LARP1: variants seen among roughly 807,000 people sequenced by gnomAD.
LARP1 encodes the protein La ribonucleoprotein 1, translational regulator.
LARP1 carries 36 observed loss-of-function variants against 122.7 expected under a neutral mutation model. That is an observed-to-expected ratio of 0.29 (90% CI 0.22 to 0.39). LARP1 has a LOEUF of 0.39. LARP1 is among the 10% of genes least tolerant of loss of function. The pLI is 1.00. For synonymous variants in LARP1, 539 were observed against 528.7 expected (o/e 1.02, Z -0.27); for missense variants, 1,040 against 1,403.6 (o/e 0.74, Z 4.14).
chr5:154,772,024 T>C (rs1413991659), intron 1 of LARP1, among the ~76,000 whole-genome samples: 1 of 152,198 alleles, frequency 6.6e-6, no homozygotes, highest in Non-Finnish European at 1.5e-5. Flanking sequence ...AAATATATTT[T>C]AGCAAAAAGA....
intron 1 of LARP1, among the ~76,000 whole-genome samples, chr5:154,780,223 G>GGGCC (rs1242165163): frequency 2.0e-5 from 3 of 152,194 alleles, no homozygotes; most frequent in African/African-American, 7.2e-5. Context: ...AAGATCTCCA[G>GGGCC]GGCCCACTAA....
chr5:154,761,648 G>T (rs955612220), intron 1 of LARP1, among the ~76,000 whole-genome samples: 30 of 152,188 alleles, frequency 2.0e-4, no homozygotes, highest in Admixed American at 8.5e-4. Context: ...GGCTGGTCCA[G>T]AGTGATCTAA....
intron 1 of LARP1, among the ~76,000 whole-genome samples, chr5:154,689,130 C>T (rs563480345): frequency 6.6e-6 from 1 of 152,008 alleles, no homozygotes; most frequent in African/African-American, 2.4e-5. Context: ...ACCAGCCTCG[C>T]CAACATGGCA....
At chr5:154,713,490 A>G (rs892073479) in intron 1 of LARP1, among the ~76,000 whole-genome samples, 1 of 152,222 alleles carries the variant, frequency 6.6e-6, no homozygotes, top group Non-Finnish European at 1.5e-5. Flanking sequence ...AAACCACTAA[A>G]TTGATGCAGG....
rs757699811 is a variant in LARP1, at chr5:154,803,447, T to A, written c.2233+34T>A. 6.2e-7 allele frequency: 1 copy of A among 1,614,064 alleles called. No individual in the cohort carries two copies. The highest frequency in any genetic ancestry group is 8.5e-7 in the Non-Finnish European group (1 of 1,180,002). On this transcript the variant is annotated intron_variant, in intron 12 of 18. Coordinates refer to ENST00000518297, the MANE Select transcript of LARP1 (RefSeq NM_033551.3). This position sits in a 1 kb window ranked among gnomAD's most constrained non-coding sequence, Gnocchi z 4.4. ...CAGACACCTGAGATCCTGACATGGG[T>A]GAGAGGATCTAGGGCCCTTGGACTG... is the stretch of plus-strand genomic sequence containing the variant.
At chr5:154,742,513 C>A (rs1002508025) in intron 1 of LARP1, among the ~76,000 whole-genome samples, 3 of 152,088 alleles carry the variant, frequency 2.0e-5, no homozygotes, top group African/African-American at 7.2e-5. Flanking sequence ...GAGCCATGAT[C>A]ATGCCACTGC....
upstream of LARP1, among the ~76,000 whole-genome samples, chr5:154,712,294 C>A (rs2113296061): frequency 6.6e-6 from 1 of 152,270 alleles, no homozygotes; most frequent in East Asian, 1.9e-4. Context: ...GATGTGGAAA[C>A]TGAGGCAGTG....
intron 1 of LARP1, among the ~76,000 whole-genome samples, chr5:154,759,906 T>C (rs1342375452): frequency 1.3e-5 from 2 of 151,118 alleles, no homozygotes; most frequent in Non-Finnish European, 2.9e-5. Context: ...GCATTTAAGA[T>C]AGGCTGGGCT....
At chr5:154,747,006 C>T (rs1356885944) in intron 1 of LARP1, among the ~76,000 whole-genome samples, 3 of 152,020 alleles carry the variant, frequency 2.0e-5, no homozygotes, top group African/African-American at 7.2e-5. Flanking sequence ...ATTTGGGCAC[C>T]TGTAATCTCA....
chr5:154,758,356 G>GT (rs545548262), intron 1 of LARP1, among the ~76,000 whole-genome samples: 72 of 152,258 alleles, frequency 4.7e-4, no homozygotes, highest in African/African-American at 1.6e-3. Flanking sequence ...CTCTGTTATT[G>GT]TTTTTTGGAA....
At chr5:154,749,056 G>C (rs762046335) in intron 1 of LARP1, among the ~76,000 whole-genome samples, 1 of 152,208 alleles carries the variant, frequency 6.6e-6, no homozygotes, top group Non-Finnish European at 1.5e-5. Flanking sequence ...TAGGGTCTGT[G>C]CTGGAAGGCA....
upstream of LARP1, among the ~76,000 whole-genome samples, chr5:154,754,818 C>G (rs1041739223): frequency 2.0e-5 from 3 of 152,166 alleles, no homozygotes; most frequent in Non-Finnish European, 2.9e-5. Flanking sequence ...CCAGGCCCGC[C>G]GGGCACAGGG....
chr5:154,766,240 G>A (rs964501987), intron 1 of LARP1, among the ~76,000 whole-genome samples: 2 of 152,210 alleles, frequency 1.3e-5, no homozygotes, highest in East Asian at 1.9e-4. Context: ...GAGAGACATC[G>A]AAGATTGTAT....
intron 1 of LARP1, among the ~76,000 whole-genome samples, chr5:154,736,214 G>A (rs1221105553): frequency 6.6e-6 from 1 of 151,508 alleles, no homozygotes; most frequent in Non-Finnish European, 1.5e-5. Flanking sequence ...TCCTGCTTCA[G>A]CCTCCCGAGT....
intron 1 of LARP1, among the ~76,000 whole-genome samples, chr5:154,726,349 A>T (rs55851616): frequency 6.6e-6 from 1 of 152,134 alleles, no homozygotes; most frequent in Non-Finnish European, 1.5e-5. Context: ...TTTTCCTATA[A>T]TTTTTTCATA....
chr5:154,809,198 C>T (rs964235655), intron 16 of LARP1, among the ~76,000 whole-genome samples: 1 of 151,676 alleles, frequency 6.6e-6, no homozygotes, highest in African/African-American at 2.4e-5. Flanking sequence ...GGCTGGGTGG[C>T]TCACGCCTAT....
intron 1 of LARP1, among the ~76,000 whole-genome samples, chr5:154,689,575 G>A (rs543481616): frequency 8.0e-5 from 12 of 150,198 alleles, no homozygotes; most frequent in African/African-American, 2.5e-4. Flanking sequence ...AGCTGAGATC[G>A]TGCCATTTTA....
intron 1 of LARP1, among the ~76,000 whole-genome samples, chr5:154,726,842 C>T (rs558106528): frequency 9.9e-5 from 15 of 152,228 alleles, no homozygotes; most frequent in Non-Finnish European, 1.5e-4. Flanking sequence ...AAGTCACCTC[C>T]GTACAGGGCA....
chr5:154,781,190 T>C (rs940214716), intron 1 of LARP1, among the ~76,000 whole-genome samples: 2 of 152,144 alleles, frequency 1.3e-5, no homozygotes, highest in Non-Finnish European at 2.9e-5. Flanking sequence ...TGCGTGTAGT[T>C]GTGTGTGCCT....
Sources: allele counts gnomAD v4.1 joint callset (sites outside exome capture counted in the v4.1 genomes callset), GRCh38; gene constraint gnomAD v4.1.1; non-coding constraint Gnocchi (gnomAD v3.1); transcripts MANE v1.5; gene names NCBI Gene and HGNC (gene_info 2026-07-23, HGNC 2026-07-21).